The following ADCY8 variants were observed in gnomAD, a reference collection of about 807,000 sequenced individuals.
ADCY8 encodes adenylate cyclase type 8.
A neutral mutation model predicts 119.7 loss-of-function variants in ADCY8; 51 were observed. That is an observed-to-expected ratio of 0.43 (90% CI 0.34 to 0.54). The LOEUF (loss-of-function observed/expected upper bound fraction) is 0.54. ADCY8 is among the 20% of genes least tolerant of loss of function. The pLI, the probability that ADCY8 is intolerant of heterozygous loss-of-function variation, is 0.03. For synonymous variants in ADCY8, 665 were observed against 651.0 expected, an observed-to-expected ratio of 1.02 and a Z score of -0.33; for missense variants, 1,383 against 1,598.8, an observed-to-expected ratio of 0.87 and a Z score of 2.30.
At chr8:130,868,098 A>G in intron 8 of ADCY8, 152 bp from the exon 9 acceptor site, 1 of 543,342 alleles carries the variant, frequency 1.8e-6, no homozygotes. Context: ...CATTATCCCC[A>G]TCCCTCCTGC....
intron 1 of ADCY8, among the ~76,000 whole-genome samples, chr8:130,991,844 C>G (rs965571949): frequency 6.6e-6 from 1 of 151,886 alleles, no homozygotes; most frequent in African/African-American, 2.4e-5. Context: ...GAATGAAATT[C>G]ACTGAAAGTA....
intron 9 of ADCY8, among the ~76,000 whole-genome samples, chr8:130,855,036 C>A (rs994141820): frequency 5.3e-5 from 8 of 151,302 alleles, no homozygotes; most frequent in African/African-American, 1.9e-4. Context: ...CCTTCGTTTA[C>A]CCTTCTTGGA....
intron 7 of ADCY8, among the ~76,000 whole-genome samples, chr8:130,891,009 G>A (rs907493590): frequency 6.6e-6 from 1 of 152,150 alleles, no homozygotes; most frequent in African/African-American, 2.4e-5. Context: ...TGCAGCTTCT[G>A]TCTTTCATGC....
intron 7 of ADCY8, among the ~76,000 whole-genome samples, chr8:130,896,183 C>A (rs1819380457): frequency 6.6e-6 from 1 of 152,148 alleles, no homozygotes; most frequent in Admixed American, 6.6e-5. Flanking sequence ...ATAATTGTAA[C>A]AATGTTCACA....
intron 8 of ADCY8, among the ~76,000 whole-genome samples, chr8:130,874,354 T>TAAAAAAAA (rs574764687): frequency 2.9e-5 from 4 of 135,962 alleles, no homozygotes; most frequent in African/African-American, 8.1e-5. Context: ...AATAAATAAA[T>TAAAAAAAA]AAAATACACC....
At chr8:131,024,516 A>G (rs1387500873) in intron 1 of ADCY8, among the ~76,000 whole-genome samples, 2 of 152,212 alleles carry the variant, frequency 1.3e-5, no homozygotes, top group Non-Finnish European at 2.9e-5. Flanking sequence ...GTGACTATTC[A>G]GGCTGTGTAA....
chr8:130,849,560 G>A, intron 10 of ADCY8, 42 bp downstream of exon 10: 3 of 1,601,684 alleles, frequency 1.9e-6, no homozygotes, highest in Non-Finnish European at 2.6e-6. Flanking sequence ...ATGCTCAACT[G>A]CACACTAGAC....
intron 2 of ADCY8, among the ~76,000 whole-genome samples, chr8:130,982,831 G>T (rs191571648): frequency 5.3e-5 from 8 of 152,262 alleles, no homozygotes; most frequent in African/African-American, 1.9e-4. Flanking sequence ...GAGATATTTT[G>T]CATTTCTTCT....
chr8:130,909,181 TGCAGTG>T (rs1253750112), intron 6 of ADCY8, among the ~76,000 whole-genome samples: 1 of 152,220 alleles, frequency 6.6e-6, no homozygotes, highest in African/African-American at 2.4e-5. Context: ...TTACATTAGT[TGCAGTG>T]GCCTTTGCAG....
rs1816041047 is a variant in ADCY8 at position 130,808,272 on chromosome 8, G to A, written c.2913+5797C>T. 2.0e-5 allele frequency among the ~76,000 whole-genome samples: 3 copies of A among 152,060 alleles called. 1 individual carries two copies. In the South Asian group the frequency reaches 6.2e-4, roughly 32 times the overall value. ...ACCCCGGTATTTAGAATAGCACCTG[G>A]CACATGGTTGGCCCTCAATAAATAC... On this transcript the variant is annotated intron_variant, in intron 14 of 17. Transcript: ENST00000286355.
chr8:130,971,228 G>A (rs1414742208), intron 2 of ADCY8, among the ~76,000 whole-genome samples: 1 of 152,172 alleles, frequency 6.6e-6, no homozygotes, highest in African/African-American at 2.4e-5. Flanking sequence ...TGGTGATAGA[G>A]TTAGACATCA....
chr8:130,861,096 T>G (rs1018903570), intron 9 of ADCY8, among the ~76,000 whole-genome samples: 47 of 152,244 alleles, frequency 3.1e-4, no homozygotes, highest in Admixed American at 3.0e-3. Context: ...AGCATCATAC[T>G]GTAGCTTTAT....
chr8:130,818,033 T>C (rs1467698884), intron 13 of ADCY8, among the ~76,000 whole-genome samples: 1 of 152,228 alleles, frequency 6.6e-6, no homozygotes, highest in Non-Finnish European at 1.5e-5. Context: ...TCATTAAACC[T>C]GAATCTCACC....
At chr8:131,038,464 T>C (rs1010700996) in intron 1 of ADCY8, among the ~76,000 whole-genome samples, 12 of 152,216 alleles carry the variant, frequency 7.9e-5, no homozygotes, top group African/African-American at 2.9e-4. Flanking sequence ...TGCCATGCCA[T>C]TAATTAGCTA....
intron 7 of ADCY8, among the ~76,000 whole-genome samples, chr8:130,891,475 G>A (rs964585372): frequency 3.3e-5 from 5 of 152,062 alleles, no homozygotes; most frequent in South Asian, 2.1e-4. Flanking sequence ...TATGATATAC[G>A]AATATGTTGT....
intron 8 of ADCY8, among the ~76,000 whole-genome samples, chr8:130,872,101 G>A (rs1022505851): frequency 2.6e-5 from 4 of 152,028 alleles, no homozygotes; most frequent in Non-Finnish European, 4.4e-5. Flanking sequence ...ATACTTCTTC[G>A]GAGATCTTAG....
At chr8:130,883,510 C>A (rs1367104480) in intron 8 of ADCY8, among the ~76,000 whole-genome samples, 11 of 152,132 alleles carry the variant, frequency 7.2e-5, no homozygotes, top group Non-Finnish European at 2.9e-5. Flanking sequence ...ATCAAAGAAG[C>A]TCATTGGGAA....
chr8:131,030,540 T>C (rs1005386806), intron 1 of ADCY8, among the ~76,000 whole-genome samples: 1 of 152,218 alleles, frequency 6.6e-6, no homozygotes, highest in African/African-American at 2.4e-5. Context: ...ACTGAATCCC[T>C]GAATCCTGTG....
chr8:130,885,731 A>G (rs1266345619), intron 7 of ADCY8, among the ~76,000 whole-genome samples: 3 of 152,234 alleles, frequency 2.0e-5, no homozygotes, highest in East Asian at 3.9e-4. Flanking sequence ...CATCCTTCCA[A>G]TAGATCTTCT....
Sources: gnomAD v4.1 joint callset for allele counts (sites outside exome capture counted in the v4.1 genomes callset) on GRCh38, gnomAD v4.1.1 for gene constraint, MANE v1.5 for transcripts, NCBI Gene and HGNC (gene_info 2026-07-23, HGNC 2026-07-21) for gene names.